AKAIN1: variants seen among roughly 807,000 people sequenced by gnomAD.
AKAIN1 encodes the protein A-kinase anchor protein inhibitor 1.
In AKAIN1, 3 loss-of-function variants were observed where a neutral mutation model predicts 3.7. That is an observed-to-expected ratio of 0.82 (90% confidence interval 0.37 to 2.12). The LOEUF is 2.12. AKAIN1 is among the 30% of genes most tolerant of loss of function. AKAIN1 has a pLI of 0.06. For missense variants in AKAIN1, 82 were observed against 82.7 expected (o/e 0.99, Z 0.03); for synonymous variants, 31 against 30.8 (o/e 1.01, Z -0.02).
intron 1 of AKAIN1, among the ~76,000 whole-genome samples, chr18:5,184,657 C>G (rs2071277254): frequency 6.6e-6 from 1 of 151,880 alleles, no homozygotes; most frequent in Admixed American, 6.6e-5. Flanking sequence ...ATCTCTACAA[C>G]AAGAATTATA....
intron 1 of AKAIN1, among the ~76,000 whole-genome samples, chr18:5,185,643 G>A (rs2156142): frequency 0.93 from 140,867 of 152,196 alleles, 65,409 homozygotes; most frequent in East Asian, 1. Flanking sequence ...AAACAACGAG[G>A]TACCATCCCA....
At chr18:5,195,942 TGAGGGG>T (rs2071344805) in intron 1 of AKAIN1, among the ~76,000 whole-genome samples, 2 of 152,158 alleles carry the variant, frequency 1.3e-5, no homozygotes, top group South Asian at 4.1e-4. Context: ...GCTAGCATTC[TGAGGGG>T]GAGGGGGAGG....
At chr18:5,149,537 C>T (rs1042451558) in intron 1 of AKAIN1, among the ~76,000 whole-genome samples, 2 of 152,166 alleles carry the variant, frequency 1.3e-5, no homozygotes, top group South Asian at 2.1e-4. Flanking sequence ...CTGCCATGAG[C>T]GAGCCTCGTC....
intron 1 of AKAIN1, among the ~76,000 whole-genome samples, chr18:5,148,435 G>A (rs2071061453): frequency 6.6e-6 from 1 of 152,302 alleles, no homozygotes; most frequent in East Asian, 1.9e-4. Context: ...TTAAAGAGTT[G>A]TCATAAAGGT....
At chr18:5,194,260 A>G (rs2071336373) in intron 1 of AKAIN1, among the ~76,000 whole-genome samples, 1 of 152,170 alleles carries the variant, frequency 6.6e-6, no homozygotes, top group Admixed American at 6.5e-5. Flanking sequence ...AAGGGGTTTG[A>G]AAACTGGCAT....
At position 5,180,165 on chromosome 18, in the gene AKAIN1, C is replaced by A. The variant is rs141134828; in HGVS notation, c.16+16873G>T. On this transcript the variant is annotated intron_variant, in intron 1 of 1. Coordinates refer to ENST00000434239, the MANE Select transcript of AKAIN1 (RefSeq NM_001145194.2). ...CTGCCCTTCAATCACAGCACTCTGACACTTTAGTGTCCTTCTTTATATTAA... is the reference window on the plus strand; with the variant it reads ...CTGCCCTTCAATCACAGCACTCTGAAACTTTAGTGTCCTTCTTTATATTAA... Among the ~76,000 whole-genome samples, 190 of 152,312 alleles carry A rather than the reference C, an allele frequency of 1.2e-3. 1 individual carries two copies. The East Asian group carries it at 0.02, about 16-fold the overall frequency.
intron 1 of AKAIN1, among the ~76,000 whole-genome samples, chr18:5,162,226 C>G (rs1363491300): frequency 6.6e-6 from 1 of 152,060 alleles, no homozygotes; most frequent in African/African-American, 2.4e-5. Context: ...ATCAGGAAGC[C>G]AGAGCTAGGA....
chr18:5,166,098 A>G (rs968491172), intron 1 of AKAIN1, among the ~76,000 whole-genome samples: 3 of 152,080 alleles, frequency 2.0e-5, no homozygotes, highest in African/African-American at 4.8e-5. Flanking sequence ...CTATTAAATT[A>G]ATTACAATGT....
intron 1 of AKAIN1, among the ~76,000 whole-genome samples, chr18:5,168,575 A>C (rs764916447): frequency 1.2e-4 from 19 of 152,100 alleles, no homozygotes; most frequent in Non-Finnish European, 2.4e-4. Flanking sequence ...TTAAAGTGTT[A>C]CTTTATCTTG....
At chr18:5,171,557 A>T (rs745498707) in intron 1 of AKAIN1, among the ~76,000 whole-genome samples, 2 of 152,168 alleles carry the variant, frequency 1.3e-5, no homozygotes, top group Non-Finnish European at 2.9e-5. Flanking sequence ...TCAAAAGAAG[A>T]CATACAAATT....
At chr18:5,147,306 C>A (rs924071862) in intron 1 of AKAIN1, among the ~76,000 whole-genome samples, 4 of 152,102 alleles carry the variant, frequency 2.6e-5, no homozygotes, top group Admixed American at 2.6e-4. Flanking sequence ...AAGTAATATA[C>A]CTTGTTTAAG....
chr18:5,193,743 G>T (rs117791336), intron 1 of AKAIN1, among the ~76,000 whole-genome samples: 6,794 of 152,146 alleles, frequency 0.045, 252 homozygotes, highest in South Asian at 0.07. Context: ...ATAATTCCTT[G>T]ATATTTCCCC....
chr18:5,184,023 C>T (rs115955063), intron 1 of AKAIN1, among the ~76,000 whole-genome samples: 233 of 152,024 alleles, frequency 1.5e-3, no homozygotes, highest in African/African-American at 5.4e-3. Context: ...AAATCACTAA[C>T]AAAAAACACC....
chr18:5,196,951 G>T, intron 1 of AKAIN1, 87 bp downstream of exon 1: 1 of 1,194,830 alleles, frequency 8.4e-7, no homozygotes, highest in South Asian at 1.3e-5. Flanking sequence ...TGGGCCGTAA[G>T]GTAAAGAGGC....
chr18:5,179,806 T>G (rs896057728), intron 1 of AKAIN1, among the ~76,000 whole-genome samples: 12 of 152,146 alleles, frequency 7.9e-5, no homozygotes, highest in African/African-American at 2.7e-4. Flanking sequence ...TTTAATATGC[T>G]CCTTCCTCGA....
chr18:5,190,818 T>C (rs2071314409), intron 1 of AKAIN1, among the ~76,000 whole-genome samples: 1 of 152,126 alleles, frequency 6.6e-6, no homozygotes, highest in South Asian at 2.1e-4. Context: ...CTCATGTCTC[T>C]TTCTGTAAAG....
intron 1 of AKAIN1, among the ~76,000 whole-genome samples, chr18:5,153,317 A>C: frequency 6.6e-6 from 1 of 152,246 alleles, no homozygotes; most frequent in East Asian, 1.9e-4. Context: ...AGAAAAAGCA[A>C]AGTTAATTTT....
chr18:5,147,754 GA>G (rs1327157803), intron 1 of AKAIN1, among the ~76,000 whole-genome samples: 2 of 152,272 alleles, frequency 1.3e-5, no homozygotes, highest in East Asian at 3.9e-4. Context: ...TAAACCTATT[GA>G]GAGCGAAGAA....
At chr18:5,152,043 T>C (rs758788997) in intron 1 of AKAIN1, among the ~76,000 whole-genome samples, 17 of 152,320 alleles carry the variant, frequency 1.1e-4, no homozygotes, top group Non-Finnish European at 1.3e-4. Context: ...TTGGGAGCTA[T>C]GTCATGTGCT....
Sources: gnomAD v4.1 joint callset for allele counts (sites outside exome capture counted in the v4.1 genomes callset) on GRCh38, gnomAD v4.1.1 for gene constraint, MANE v1.5 for transcripts, NCBI Gene and HGNC (gene_info 2026-07-23, HGNC 2026-07-21) for gene names.